The following ADAMTSL1 variants were observed in gnomAD, a reference collection of about 807,000 sequenced individuals.
ADAMTSL1 encodes ADAMTS-like protein 1.
ADAMTSL1 carries 126 observed loss-of-function variants against 201.8 expected under a neutral mutation model. The ratio of observed to expected loss-of-function variants is 0.62; its 90% CI spans 0.54 to 0.72. ADAMTSL1 has a LOEUF of 0.72. Among genes scored for constraint, ADAMTSL1 ranks in the 30% least tolerant of loss-of-function variants. The pLI is 0.00. For missense variants in ADAMTSL1, 2,679 were observed against 2,277.8 expected, an observed-to-expected ratio of 1.18 and a Z score of -3.59; for synonymous variants, 1,121 against 903.4, an observed-to-expected ratio of 1.24 and a Z score of -4.32.
intron 1 of ADAMTSL1, among the ~76,000 whole-genome samples, chr9:18,060,984 A>G (rs1409035447): frequency 6.6e-6 from 1 of 152,214 alleles, no homozygotes; most frequent in Non-Finnish European, 1.5e-5. Flanking sequence ...ACTGGATGAG[A>G]ACATAATGCT....
In ADAMTSL1 at chr9:17,911,749, T is replaced by C. The variant is rs1461931220; in HGVS notation, c.87+4827T>C. Among the ~76,000 whole-genome samples, 96 of 66,542 alleles carry C rather than the reference T, an allele frequency of 1.4e-3. 21 individuals are homozygous for C. The highest frequency in any genetic ancestry group is 2.6e-3 in the African/African-American group (86 of 33,182). 43.7% of individuals were successfully genotyped at this position (66,542 alleles called of 152,430 possible). The stretch of plus-strand genomic sequence containing the variant: ...GTGCACAATGTGCAGGTTAGTTACA[T>C]ATGTATACATGTGTCATGCTGGTGT... On this transcript the variant is annotated intron_variant, in intron 1 of 29. Transcript: ENST00000680146.
chr9:18,817,596 C>T (rs7874108), intron 21 of ADAMTSL1, among the ~76,000 whole-genome samples: 55,048 of 151,976 alleles, frequency 0.36, 10,432 homozygotes, highest in Middle Eastern at 0.45. Context: ...GTAGAGAGAA[C>T]TGGGTGAGCT....
chr9:17,958,599 T>C (rs1183266242), intron 1 of ADAMTSL1, among the ~76,000 whole-genome samples: 1 of 152,196 alleles, frequency 6.6e-6, no homozygotes, highest in Non-Finnish European at 1.5e-5. Flanking sequence ...TTAATTACGT[T>C]AATTAGCTTC....
At chr9:18,844,620 G>C (rs142548515) in intron 23 of ADAMTSL1, among the ~76,000 whole-genome samples, 5,219 of 152,296 alleles carry the variant, frequency 0.034, 315 homozygotes, top group African/African-American at 0.12. Context: ...CTTTTTGTTT[G>C]TCTGTGCCCT....
In ADAMTSL1 at chr9:18,892,281, C is replaced by G. The variant is rs947784910; in HGVS notation, c.4644-108C>G. ...TTCCAAGTAAATACTGTAAAAAGGGCCTTGGCCCCAAATTAGTGGCAAGAG... is the reference window on the plus strand; with the variant it reads ...TTCCAAGTAAATACTGTAAAAAGGGGCTTGGCCCCAAATTAGTGGCAAGAG... On this transcript the variant is annotated intron_variant, in intron 25 of 28. Coordinates refer to ENST00000380548, the MANE Select transcript of ADAMTSL1 (RefSeq NM_001040272.6). 2.1e-5 allele frequency: 23 copies of G among 1,092,264 alleles called. No homozygotes were observed. In the Admixed American group the frequency reaches 4.7e-4, roughly 22 times the overall value. 67.7% of individuals were successfully genotyped at this position (1,092,264 alleles called of 1,614,324 possible).
chr9:18,815,896 T>C (rs921264327), intron 20 of ADAMTSL1, among the ~76,000 whole-genome samples: 4 of 152,160 alleles, frequency 2.6e-5, no homozygotes, highest in African/African-American at 9.7e-5. Flanking sequence ...TACATATTTA[T>C]GGGGAACAGT....
At chr9:18,521,587 A>G (rs1361152129) in intron 2 of ADAMTSL1, among the ~76,000 whole-genome samples, 1 of 152,084 alleles carries the variant, frequency 6.6e-6, no homozygotes, top group Non-Finnish European at 1.5e-5. Flanking sequence ...TTGTTTAGAG[A>G]TATGATATAT....
rs767745732 is a variant in ADAMTSL1, at chr9:18,795,445, A to C, written c.3726A>C (p.Glu1242Asp). 5.0e-6 allele frequency: 8 copies of C among 1,613,910 alleles called. No individual in the cohort carries two copies. The Admixed American group carries it at 1.0e-4, about 20-fold the overall frequency. The change falls in exon 20 of 29, where the codon GAA (glutamate) becomes GAC (aspartate). Residue 1242 changes from glutamate (E) to aspartate (D), a missense_variant. By Grantham distance (45) the Glu-to-Asp change is conservative. Transcript: ENST00000380548. ...DDSLQILAPVEADVGFYTCNA... is the reference protein window; with the variant it reads ...DDSLQILAPVDADVGFYTCNA... ...CCTTACAGATCTTGGCACCAGTGGA[A>C]GCAGATGTGGGTTTCTACACTTGCA...
intron 2 of ADAMTSL1, among the ~76,000 whole-genome samples, chr9:18,239,414 A>C (rs1360718586): frequency 1.3e-5 from 2 of 152,168 alleles, no homozygotes; most frequent in African/African-American, 2.4e-5. Context: ...ACTTCACAGC[A>C]TCTTCACCAG....
chr9:18,289,175 A>ATCTATCTATCTC (rs1554650792), intron 2 of ADAMTSL1, among the ~76,000 whole-genome samples: 1 of 117,218 alleles, frequency 8.5e-6, no homozygotes, highest in East Asian at 1.9e-4. Flanking sequence ...CTATCTATCT[A>ATCTATCTATCTC]CCTACCTATC....
chr9:18,671,363 A>G (rs1162690185), intron 9 of ADAMTSL1, among the ~76,000 whole-genome samples: 1 of 152,232 alleles, frequency 6.6e-6, no homozygotes, highest in African/African-American at 2.4e-5. Flanking sequence ...GTGAAGTATC[A>G]GGTGCTTTGG....
At chr9:17,926,909 T>C (rs141327674) in intron 1 of ADAMTSL1, among the ~76,000 whole-genome samples, 3 of 152,326 alleles carry the variant, frequency 2.0e-5, no homozygotes, top group African/African-American at 7.2e-5. Flanking sequence ...AGAATATATA[T>C]AACACAATTG....
chr9:18,765,452 T>C (rs922966673), intron 16 of ADAMTSL1, among the ~76,000 whole-genome samples: 2 of 152,034 alleles, frequency 1.3e-5, no homozygotes, highest in Non-Finnish European at 2.9e-5. Flanking sequence ...CTATTATTTC[T>C]CTCAGAGAAA....
At chr9:18,132,288 T>G (rs980282221) in intron 1 of ADAMTSL1, among the ~76,000 whole-genome samples, 9 of 152,304 alleles carry the variant, frequency 5.9e-5, no homozygotes, top group African/African-American at 1.9e-4. Context: ...ATTTTAATTT[T>G]GAAATGCATC....
chr9:18,085,353 G>C (rs757369371), intron 1 of ADAMTSL1, among the ~76,000 whole-genome samples: 1 of 151,936 alleles, frequency 6.6e-6, no homozygotes, highest in Non-Finnish European at 1.5e-5. Context: ...GAAAGTAATA[G>C]TATCTTCTTC....
upstream of ADAMTSL1, chr9:18,473,956 C>G (rs994919919): frequency 3.5e-5 from 14 of 405,688 alleles, no homozygotes; most frequent in Middle Eastern, 6.1e-4. Flanking sequence ...CTTTTTTGCT[C>G]GCACCGTTAC....
chr9:18,563,941 G>T (rs1000297517), intron 3 of ADAMTSL1, among the ~76,000 whole-genome samples: 5 of 152,208 alleles, frequency 3.3e-5, no homozygotes, highest in African/African-American at 1.2e-4. Flanking sequence ...ATCTTAGCTT[G>T]CTGGACTCCA....
At chr9:18,230,297 A>T (rs1357599966) in intron 2 of ADAMTSL1, among the ~76,000 whole-genome samples, 3 of 152,188 alleles carry the variant, frequency 2.0e-5, no homozygotes, top group South Asian at 2.1e-4. Context: ...CTTTTCCTGG[A>T]TTCAATATGA....
chr9:18,141,589 G>A (rs1425476179), intron 1 of ADAMTSL1, among the ~76,000 whole-genome samples: 1 of 152,164 alleles, frequency 6.6e-6, no homozygotes, highest in Non-Finnish European at 1.5e-5. Flanking sequence ...CCTGGTGGTG[G>A]CCAGCACTTC....
Sources: gnomAD v4.1 joint callset for allele counts (sites outside exome capture counted in the v4.1 genomes callset) on GRCh38, gnomAD v4.1.1 for gene constraint, MANE v1.5 for transcripts, NCBI Gene and HGNC (gene_info 2026-07-23, HGNC 2026-07-21) for gene names.